PARP8: variants seen among roughly 807,000 people sequenced by gnomAD.
PARP8 encodes poly(ADP-ribose) polymerase family member 8.
PARP8 carries 51 observed loss-of-function variants against 124.1 expected under a neutral mutation model. That is an observed-to-expected ratio of 0.41 (90% confidence interval 0.33 to 0.52). The LOEUF (loss-of-function observed/expected upper bound fraction) is 0.52. PARP8 is among the 20% of genes least tolerant of loss of function. PARP8 has a pLI of 0.21. For missense variants in PARP8, 860 were observed against 1,018.9 expected (o/e 0.84, Z 2.12); for synonymous variants, 391 against 361.5 (o/e 1.08, Z -0.93).
intron 25 of PARP8, among the ~76,000 whole-genome samples, chr5:50,836,214 A>G (rs1039251240): frequency 3.3e-5 from 5 of 152,166 alleles, no homozygotes; most frequent in African/African-American, 1.2e-4. Flanking sequence ...AGCAGTGAGT[A>G]TAGGAGAAGG....
At chr5:50,751,898 G>A (rs1401080398) in intron 3 of PARP8, among the ~76,000 whole-genome samples, 2 of 152,036 alleles carry the variant, frequency 1.3e-5, no homozygotes, top group Non-Finnish European at 2.9e-5. Context: ...TGTACTAAGA[G>A]TTGTTGGTTA....
At chr5:50,806,297 G>A (rs1304222816) in intron 14 of PARP8, among the ~76,000 whole-genome samples, 2 of 151,992 alleles carry the variant, frequency 1.3e-5, no homozygotes, top group Non-Finnish European at 2.9e-5. Context: ...CTCTTGACTT[G>A]TGGACTTGAA....
intron 3 of PARP8, among the ~76,000 whole-genome samples, chr5:50,756,261 G>A (rs557472487): frequency 2.6e-5 from 4 of 152,194 alleles, no homozygotes; most frequent in Admixed American, 1.3e-4. Flanking sequence ...TCTTGTGCCA[G>A]TTTTCAAAGG....
rs1262414418 is a variant in PARP8 at position 50,666,918 on chromosome 5, TCCC to T, written c.-175_-173del. On this transcript the variant is annotated 5_prime_UTR_variant, in exon 1 of 26. Coordinates refer to ENST00000281631, the MANE Select transcript of PARP8 (RefSeq NM_024615.4). ...GCCGACCTCCCCCTCCTCCTCCTCC[TCCC>T]CCTCCTCCTCCTCCTCTTCTCTCAC... 31 of 1,260,062 alleles carry T rather than the reference TCCC, an allele frequency of 2.5e-5. No homozygotes were observed. Among genetic ancestry groups the T allele is most frequent in the African/African-American group, 3.2e-5 (2 of 62,900 alleles). 78.1% of individuals were successfully genotyped at this position (1,260,062 alleles called of 1,614,324 possible). A position where few individuals can be genotyped will look rare whatever the true frequency, so the allele number is the denominator to read the frequency against.
intron 2 of PARP8, among the ~76,000 whole-genome samples, chr5:50,705,185 A>C (rs1336470010): frequency 6.6e-6 from 1 of 152,166 alleles, no homozygotes; most frequent in African/African-American, 2.4e-5. Flanking sequence ...GGCTCAAGAG[A>C]ATATGTGATT....
chr5:50,778,426 T>C, intron 8 of PARP8, 134 bp from the exon 9 acceptor site: 1 of 680,168 alleles, frequency 1.5e-6, no homozygotes. Context: ...CACAAAACAG[T>C]GGGTTTTGAG....
intron 3 of PARP8, among the ~76,000 whole-genome samples, chr5:50,754,138 T>TAC: frequency 6.1e-5 from 1 of 16,430 alleles, no homozygotes. Context: ...TATATATATA[T>TAC]ATATATATAT....
intron 7 of PARP8, among the ~76,000 whole-genome samples, chr5:50,777,451 C>T (rs537988738): frequency 1.3e-5 from 2 of 151,966 alleles, no homozygotes; most frequent in African/African-American, 2.4e-5. Flanking sequence ...TTCTTTCATT[C>T]GCTTAAGAAG....
intron 2 of PARP8, among the ~76,000 whole-genome samples, chr5:50,722,051 G>T (rs1056621893): frequency 6.6e-6 from 1 of 151,922 alleles, no homozygotes; most frequent in Non-Finnish European, 1.5e-5. Flanking sequence ...TCCCTTTTTT[G>T]TGTGTCCAAT....
At chr5:50,731,819 G>A (rs552083487) in intron 2 of PARP8, among the ~76,000 whole-genome samples, 9 of 152,208 alleles carry the variant, frequency 5.9e-5, no homozygotes, top group Admixed American at 6.5e-5. Flanking sequence ...GAAAATTCAA[G>A]CCAGGTTATT....
chr5:50,709,899 T>G (rs1754557815), intron 2 of PARP8, among the ~76,000 whole-genome samples: 1 of 133,254 alleles, frequency 7.5e-6, no homozygotes, highest in Admixed American at 7.8e-5. Context: ...GGAGAGACTA[T>G]GAGAATATGA....
At chr5:50,726,766 G>A (rs1002956853) in intron 2 of PARP8, among the ~76,000 whole-genome samples, 1 of 152,114 alleles carries the variant, frequency 6.6e-6, no homozygotes, top group Non-Finnish European at 1.5e-5. Flanking sequence ...ACGGTCTAGG[G>A]CCTGTCAACT....
intron 2 of PARP8, among the ~76,000 whole-genome samples, chr5:50,673,630 G>A (rs940684616): frequency 1.1e-4 from 16 of 152,334 alleles, no homozygotes; most frequent in African/African-American, 3.8e-4. Context: ...GACATTGGTT[G>A]AATTGGCATG....
At chr5:50,801,715 G>T (rs1474483086) in intron 14 of PARP8, among the ~76,000 whole-genome samples, 1 of 152,110 alleles carries the variant, frequency 6.6e-6, no homozygotes, top group Admixed American at 6.5e-5. Flanking sequence ...GAAAGTGGGG[G>T]TATTGAAGGC....
At chr5:50,778,232 T>TCAA (rs1357590820) in intron 8 of PARP8, 103 bp downstream of exon 8, 2 of 867,448 alleles carry the variant, frequency 2.3e-6, no homozygotes, top group African/African-American at 3.4e-5. Context: ...ATACTATTAG[T>TCAA]TACATATTGA....
intron 12 of PARP8, 115 bp downstream of exon 12, chr5:50,795,532 T>TTTACTG: frequency 1.2e-6 from 1 of 841,412 alleles, no homozygotes. Flanking sequence ...TAATTTACTG[T>TTTACTG]TTTTTTAAAA....
chr5:50,744,542 T>C (rs1297437386), intron 2 of PARP8, among the ~76,000 whole-genome samples: 1 of 152,226 alleles, frequency 6.6e-6, no homozygotes. Flanking sequence ...TAGAAAATTA[T>C]TGAGGTGCAA....
chr5:50,827,915 T>A, intron 19 of PARP8, 29 bp from the exon 20 acceptor site: 1 of 1,477,068 alleles, frequency 6.8e-7, no homozygotes, highest in Non-Finnish European at 9.5e-7. Context: ...GTTTTACATG[T>A]TTTTGTTTGT....
At chr5:50,716,226 A>G (rs930985750) in intron 2 of PARP8, among the ~76,000 whole-genome samples, 23 of 152,150 alleles carry the variant, frequency 1.5e-4, no homozygotes, top group African/African-American at 4.6e-4. Context: ...GAAGATGACT[A>G]TGATGTGGCA....
Sources: gnomAD v4.1 joint callset for allele counts (sites outside exome capture counted in the v4.1 genomes callset) on GRCh38, gnomAD v4.1.1 for gene constraint, MANE v1.5 for transcripts, NCBI Gene and HGNC (gene_info 2026-07-23, HGNC 2026-07-21) for gene names.